The following AIG1 variants were observed in gnomAD, a reference collection of about 807,000 sequenced individuals.
AIG1 encodes androgen-induced gene 1 protein.
AIG1 carries 23 observed loss-of-function variants against 31.4 expected under a neutral mutation model. The observed-to-expected ratio is 0.73, with a 90% confidence interval of 0.53 to 1.04. AIG1 has a LOEUF of 1.04. Ranked by LOEUF, AIG1 falls within the 50% of genes least tolerant of loss-of-function variation. The probability of loss-of-function intolerance (pLI) is 0.00; values close to 1 mark genes in which losing one functional copy is unlikely to be tolerated. For synonymous variants in AIG1, 100 were observed against 110.5 expected, an observed-to-expected ratio of 0.90 and a Z score of 0.60; for missense variants, 274 against 295.0, an observed-to-expected ratio of 0.93 and a Z score of 0.52.
At chr6:143,171,451 AT>A (rs1231102679) in intron 3 of AIG1, among the ~76,000 whole-genome samples, 7 of 59,118 alleles carry the variant, frequency 1.2e-4, no homozygotes, top group African/African-American at 8.4e-4. Context: ...TAATATATAT[AT>A]TTAATATATA....
chr6:143,325,144 CT>C lies in AIG1; in HGVS notation c.516-8137del, dbSNP rs1776502408. On this transcript the variant is annotated intron_variant, in intron 4 of 5. Transcript: ENST00000357847. The surrounding 1 kb of genome is among the most constrained non-coding windows in gnomAD (Gnocchi z 4.3). ...TATGAAGACCCTGTGCTAATAGATGCTGTCTACCTTTGAACCACTTGTCCCT... is the reference window on the plus strand; with the variant it reads ...TATGAAGACCCTGTGCTAATAGATGCGTCTACCTTTGAACCACTTGTCCCT... Among the ~76,000 whole-genome samples, 1 of 152,216 alleles carries C rather than the reference CT, an allele frequency of 6.6e-6. No individual in the cohort carries two copies. Among genetic ancestry groups the C allele is most frequent in the Non-Finnish European group, 1.5e-5 (1 of 68,040 alleles).
At chr6:143,140,620 G>T (rs574139913) in intron 2 of AIG1, among the ~76,000 whole-genome samples, 94 of 152,216 alleles carry the variant, frequency 6.2e-4, no homozygotes, top group African/African-American at 2.1e-3. Context: ...CTTTTTCTGT[G>T]CCTCCTGGCC....
chr6:143,301,956 C>T (rs547637744), intron 4 of AIG1, among the ~76,000 whole-genome samples: 2 of 152,208 alleles, frequency 1.3e-5, no homozygotes, highest in East Asian at 3.9e-4. Flanking sequence ...CAGCTGTCCG[C>T]TAAGCTGGAC....
intron 3 of AIG1, among the ~76,000 whole-genome samples, chr6:143,222,501 A>G (rs1313639272): frequency 2.0e-5 from 3 of 152,086 alleles, no homozygotes; most frequent in Admixed American, 1.3e-4. Context: ...GAGCCTGTGA[A>G]TTTCATTTCA....
chr6:143,199,717 C>G (rs1026918373), intron 3 of AIG1, among the ~76,000 whole-genome samples: 9 of 152,190 alleles, frequency 5.9e-5, no homozygotes, highest in African/African-American at 2.2e-4. Context: ...CCGCTTCATC[C>G]AGTGATAGAA....
At chr6:143,323,383 A>C (rs1300214186) in intron 4 of AIG1, among the ~76,000 whole-genome samples, 1 of 152,180 alleles carries the variant, frequency 6.6e-6, no homozygotes, top group Non-Finnish European at 1.5e-5. Context: ...GATTCTGTAC[A>C]TTTGGGCTAG....
chr6:143,079,838 C>T (rs1031157080), intron 1 of AIG1, among the ~76,000 whole-genome samples: 1 of 145,260 alleles, frequency 6.9e-6, no homozygotes, highest in African/African-American at 2.6e-5. Context: ...AACAGAGCTC[C>T]TATACAATGG....
chr6:143,331,978 G>T lies in AIG1; in HGVS notation c.516-1304G>T, dbSNP rs1203533392. On this transcript the variant is annotated intron_variant, in intron 4 of 5. Coordinates refer to ENST00000357847, the MANE Select transcript of AIG1 (RefSeq NM_016108.4). The surrounding 1 kb of genome is among the most constrained non-coding windows in gnomAD (Gnocchi z 4.1). ...CCTCTGCCTCCCAGGGTCAAGTGAT[G>T]CTTGTGCCTCAGCCTCCCGAGTAGC... 3.3e-5 allele frequency among the ~76,000 whole-genome samples: 5 copies of T among 151,484 alleles called. No homozygotes were observed.
At chr6:143,314,095 T>A (rs1191327298) in intron 4 of AIG1, among the ~76,000 whole-genome samples, 2 of 145,226 alleles carry the variant, frequency 1.4e-5, no homozygotes, top group Non-Finnish European at 3.0e-5. Flanking sequence ...ACAACTATAA[T>A]CCTTGCACTT....
At chr6:143,111,743 C>T (rs755738884) in intron 1 of AIG1, among the ~76,000 whole-genome samples, 1 of 152,226 alleles carries the variant, frequency 6.6e-6, no homozygotes, top group Admixed American at 6.5e-5. Flanking sequence ...GTGAATGCCA[C>T]CCTTTCTCCT....
rs190702271 is a variant in AIG1, at chr6:143,260,571, A to C, written c.400-23539A>C. Among the ~76,000 whole-genome samples, 7 of 152,354 alleles carry C rather than the reference A, an allele frequency of 4.6e-5. No homozygotes were observed. In the East Asian group the frequency reaches 7.7e-4, roughly 17 times the overall value. ...GTGGTCGCAAGAAAGAATCAGGAAA[A>C]GACCATAGCTCAAGCAATAAAATGA... On this transcript the variant is annotated intron_variant, in intron 3 of 5. Transcript: ENST00000357847.
At chr6:143,236,369 G>A (rs974184301) in intron 3 of AIG1, among the ~76,000 whole-genome samples, 8 of 152,212 alleles carry the variant, frequency 5.3e-5, no homozygotes, top group Non-Finnish European at 7.3e-5. Context: ...GTAATTTGTC[G>A]TTGTTCTGGA....
intron 3 of AIG1, among the ~76,000 whole-genome samples, chr6:143,216,607 G>C (rs1355267000): frequency 5.9e-5 from 9 of 152,194 alleles, no homozygotes; most frequent in Non-Finnish European, 1.3e-4. Flanking sequence ...GGATGTCTTG[G>C]CTTTTCTGGT....
At chr6:143,098,106 A>C (rs1323541717) in intron 1 of AIG1, among the ~76,000 whole-genome samples, 1 of 152,090 alleles carries the variant, frequency 6.6e-6, no homozygotes, top group Non-Finnish European at 1.5e-5. Context: ...TAAATCTCCT[A>C]GTGTCACTCT....
intron 3 of AIG1, among the ~76,000 whole-genome samples, chr6:143,269,377 T>C (rs773917472): frequency 2.0e-5 from 3 of 152,242 alleles, no homozygotes; most frequent in Non-Finnish European, 4.4e-5. Flanking sequence ...GGAGGGTCTA[T>C]TGGTACAATC....
Position 143,196,359 on chromosome 6 carries a change from A to G in AIG1, c.399+31176A>G, listed in dbSNP as rs546998136. On this transcript the variant is annotated intron_variant, in intron 3 of 5. Coordinates refer to ENST00000357847, the MANE Select transcript of AIG1 (RefSeq NM_016108.4). Reference sequence around the variant, plus strand: ...CAAAAGCAACAAAAGCAACACACACACACACACACACACACACACACACAC... The same window carrying G: ...CAAAAGCAACAAAAGCAACACACACGCACACACACACACACACACACACAC... Among the ~76,000 whole-genome samples, 681 of 85,818 alleles carry G rather than the reference A, an allele frequency of 7.9e-3. 4 individuals are homozygous for G. The highest frequency in any genetic ancestry group is 0.026 in the African/African-American group (646 of 24,954). The allele number at this position is 85,818 out of a possible 152,430, so 56.3% of individuals were successfully genotyped here. A position where few individuals can be genotyped will look rare whatever the true frequency, so the allele number is the denominator to read the frequency against.
intron 4 of AIG1, among the ~76,000 whole-genome samples, chr6:143,300,710 G>A (rs1223498033): frequency 6.6e-6 from 1 of 152,156 alleles, no homozygotes; most frequent in Non-Finnish European, 1.5e-5. Flanking sequence ...AGCATATTGA[G>A]TTAATACGGA....
chr6:143,061,081 TC>T lies in AIG1; in HGVS notation c.141+20del. 2 of 1,605,646 alleles carry T rather than the reference TC, an allele frequency of 1.2e-6. No homozygotes were observed. Among genetic ancestry groups the T allele is most frequent in the African/African-American group, 1.3e-5 (1 of 74,144 alleles). ...TCATTGATCTGGTAAGGCCGTCCCC[TC>T]CCCCTGCTCGCCCCGCACCCCGTGC... On this transcript the variant is annotated intron_variant, in intron 1 of 5. Coordinates refer to ENST00000357847, the MANE Select transcript of AIG1 (RefSeq NM_016108.4).
At chr6:143,176,486 T>C (rs372389486) in intron 3 of AIG1, among the ~76,000 whole-genome samples, 58 of 152,122 alleles carry the variant, frequency 3.8e-4, no homozygotes, top group African/African-American at 1.3e-3. Context: ...GTTCAGCATG[T>C]CTGAGCTCAG....
Sources: allele counts gnomAD v4.1 joint callset (sites outside exome capture counted in the v4.1 genomes callset), GRCh38; gene constraint gnomAD v4.1.1; non-coding constraint Gnocchi (gnomAD v3.1); transcripts MANE v1.5; gene names NCBI Gene and HGNC (gene_info 2026-07-23, HGNC 2026-07-21).